BLVRA: variants seen among roughly 807,000 people sequenced by gnomAD.
BLVRA encodes the protein BVR A.
In BLVRA, 22 loss-of-function variants were observed where a neutral mutation model predicts 32.8. The ratio of observed to expected loss-of-function variants is 0.67; its 90% confidence interval spans 0.48 to 0.96. BLVRA has a LOEUF of 0.96. Among genes scored for constraint, BLVRA ranks in the 40% least tolerant of loss-of-function variants. The probability of loss-of-function intolerance (pLI) is 0.00; values close to 1 mark genes in which losing one functional copy is unlikely to be tolerated. For synonymous variants in BLVRA, 119 were observed against 141.3 expected (o/e 0.84, Z 1.12); for missense variants, 323 against 358.1 (o/e 0.90, Z 0.79).
At chr7:43,800,420 A>G (rs759736769) in intron 5 of BLVRA, 45 bp from the exon 6 acceptor site, 7 of 1,562,780 alleles carry the variant, frequency 4.5e-6, no homozygotes, top group Non-Finnish European at 5.3e-6. Context: ...GCACACCTAG[A>G]CACAACTGAC....
Position 43,775,387 on chromosome 7 carries a change from A to G in BLVRA, c.12+4217A>G, listed in dbSNP as rs1469763473. 2.0e-5 allele frequency among the ~76,000 whole-genome samples: 3 copies of G among 152,166 alleles called. No homozygotes were observed. In the East Asian group the frequency reaches 5.8e-4, roughly 29 times the overall value. The stretch of plus-strand genomic sequence containing the variant: ...TTTGTCAAGGGCCTTTTCTGCATCT[A>G]TTGAGATAATCATGTGGTTTTTGTC... On this transcript the variant is annotated intron_variant, in intron 2 of 7. Transcript: ENST00000265523.
intron 1 of BLVRA, among the ~76,000 whole-genome samples, chr7:43,759,511 T>C (rs1171042468): frequency 6.6e-6 from 1 of 152,214 alleles, no homozygotes; most frequent in Non-Finnish European, 1.5e-5. Context: ...AACCAACCTC[T>C]TGTTGCCTCG....
At chr7:43,791,411 C>A (rs1353235307) in intron 4 of BLVRA, 43 bp downstream of exon 4, 2 of 1,611,292 alleles carry the variant, frequency 1.2e-6, no homozygotes, top group African/African-American at 2.7e-5. Flanking sequence ...CACAGCAGTG[C>A]AGTACTGCAA....
chr7:43,790,182 T>C (rs539841715), intron 3 of BLVRA, among the ~76,000 whole-genome samples: 2 of 152,070 alleles, frequency 1.3e-5, no homozygotes, highest in Admixed American at 6.6e-5. Context: ...CTGCCACCCT[T>C]AGAGGGCTAC....
intron 5 of BLVRA, among the ~76,000 whole-genome samples, chr7:43,795,989 A>G (rs976395717): frequency 6.6e-6 from 1 of 151,890 alleles, no homozygotes; most frequent in Non-Finnish European, 1.5e-5. Flanking sequence ...CTATAGTCCC[A>G]GCTACTCGGG....
At chr7:43,762,288 C>G (rs971548165) in intron 1 of BLVRA, among the ~76,000 whole-genome samples, 2 of 151,970 alleles carry the variant, frequency 1.3e-5, no homozygotes, top group Non-Finnish European at 2.9e-5. Context: ...CATCCCTGGC[C>G]TTTCCCTACT....
At chr7:43,785,128 G>A (rs1465373880) in intron 2 of BLVRA, among the ~76,000 whole-genome samples, 2 of 151,984 alleles carry the variant, frequency 1.3e-5, no homozygotes, top group African/African-American at 2.4e-5. Flanking sequence ...TAAGCTGGTA[G>A]AAGCATATCC....
chr7:43,758,387 G>A (rs1432499962), upstream of BLVRA, among the ~76,000 whole-genome samples: 1 of 152,044 alleles, frequency 6.6e-6, no homozygotes. Flanking sequence ...ACCGTGAGGG[G>A]GCCCAGCCAC....
At chr7:43,793,266 A>C (rs1366978989) in intron 5 of BLVRA, among the ~76,000 whole-genome samples, 2 of 151,880 alleles carry the variant, frequency 1.3e-5, no homozygotes, top group East Asian at 1.9e-4. Flanking sequence ...AACTCTGCTA[A>C]GCACTTCATA....
chr7:43,798,197 CAAA>C (rs56855757), intron 5 of BLVRA, among the ~76,000 whole-genome samples: 2 of 45,198 alleles, frequency 4.4e-5, no homozygotes, highest in African/African-American at 8.2e-5. Context: ...CCCCATCTCA[CAAA>C]AAAAAAAAAA....
rs1359729007 is a variant in BLVRA at position 43,800,544 on chromosome 7, C to A, written c.432C>A (p.Asp144Glu). The A allele has an allele frequency of 6.2e-7, 1 of 1,613,946 alleles. No homozygotes were observed. The highest frequency in any genetic ancestry group is 8.5e-7 in the Non-Finnish European group (1 of 1,179,882). Residue 144 changes from aspartate (D) to glutamate (E), a missense_variant, in exon 6 of 8, where the codon GAC (aspartate) becomes GAA (glutamate). Asp to Glu is a conservative substitution (Grantham distance 45). Coordinates refer to ENST00000265523, the MANE Select transcript of BLVRA (RefSeq NM_000712.4). ...AFLKKEVVGKDLLKGSLLFTA... is the reference protein window; with the variant it reads ...AFLKKEVVGKELLKGSLLFTA... ...TGAAAAAAGAAGTGGTGGGGAAAGA[C>A]CTGCTGAAAGGGTCGCTCCTCTTCA... is the stretch of plus-strand genomic sequence containing the variant.
chr7:43,764,691 C>T (rs567658619), intron 1 of BLVRA, among the ~76,000 whole-genome samples: 21 of 152,052 alleles, frequency 1.4e-4, no homozygotes, highest in African/African-American at 4.3e-4. Flanking sequence ...AGTTTGCTTG[C>T]GGAGCCAGAA....
intron 3 of BLVRA, among the ~76,000 whole-genome samples, chr7:43,788,793 C>A (rs569250704): frequency 1.3e-5 from 2 of 150,934 alleles, no homozygotes; most frequent in Non-Finnish European, 2.9e-5. Flanking sequence ...CACACCACCA[C>A]GCCTGGATAA....
chr7:43,792,854 T>A (rs1172649291), intron 5 of BLVRA, 42 bp downstream of exon 5: 1 of 1,577,414 alleles, frequency 6.3e-7, no homozygotes. Flanking sequence ...AGGATTTCTG[T>A]GATATCATCT....
At chr7:43,767,667 C>G in intron 1 of BLVRA, 4 of 635,560 alleles carry the variant, frequency 6.3e-6, no homozygotes, top group South Asian at 1.5e-5. Flanking sequence ...GGGGGGACAT[C>G]TGATTTGAAT....
chr7:43,802,518 T>A (rs3107888), intron 6 of BLVRA, among the ~76,000 whole-genome samples: 123,311 of 151,960 alleles, frequency 0.81, 50,252 homozygotes, highest in African/African-American at 0.88. Flanking sequence ...ATTTTTTTGA[T>A]ATAGGGTATC....
intron 2 of BLVRA, among the ~76,000 whole-genome samples, chr7:43,774,654 A>C (rs2095758628): frequency 6.6e-6 from 1 of 152,184 alleles, no homozygotes; most frequent in Admixed American, 6.6e-5. Flanking sequence ...ACTTTAAAGT[A>C]GTTTTTTCCA....
intron 2 of BLVRA, among the ~76,000 whole-genome samples, chr7:43,778,653 C>T (rs1190259111): frequency 1.3e-5 from 2 of 152,214 alleles, no homozygotes; most frequent in African/African-American, 4.8e-5. Flanking sequence ...TCTCCAGCTG[C>T]GTGCTGGGAG....
intron 5 of BLVRA, among the ~76,000 whole-genome samples, chr7:43,797,410 G>C (rs1049476757): frequency 2.6e-5 from 4 of 152,188 alleles, no homozygotes; most frequent in African/African-American, 9.7e-5. Context: ...TTTAAATTAA[G>C]GTACGTACGT....
Sources: gnomAD v4.1 joint callset for allele counts (sites outside exome capture counted in the v4.1 genomes callset) on GRCh38, gnomAD v4.1.1 for gene constraint, MANE v1.5 for transcripts, NCBI Gene and HGNC (gene_info 2026-07-23, HGNC 2026-07-21) for gene names.